Variants in LTBP1 observed in about 807,000 individuals in gnomAD.
The protein encoded by LTBP1 is latent-transforming growth factor beta-binding protein 1.
Under a neutral mutation model 207.6 loss-of-function variants are expected in LTBP1, and 129 were observed. The observed-to-expected ratio is 0.62, with a 90% CI of 0.54 to 0.72. The LOEUF is 0.72. Among genes scored for constraint, LTBP1 ranks in the 30% least tolerant of loss-of-function variants. The pLI, the probability that LTBP1 is intolerant of heterozygous loss-of-function variation, is 0.00. For missense variants in LTBP1, 2,281 were observed against 2,217.2 expected (o/e 1.03, Z -0.58); for synonymous variants, 963 against 833.7 (o/e 1.16, Z -2.67).
At chr2:33,216,406 G>C (rs2090707986) in intron 7 of LTBP1, among the ~76,000 whole-genome samples, 2 of 152,266 alleles carry the variant, frequency 1.3e-5, no homozygotes, top group African/African-American at 4.8e-5. Context: ...AGAAAATAAA[G>C]AGCCCTTTGG....
At chr2:33,306,551 T>C (rs1008270985) in intron 22 of LTBP1, among the ~76,000 whole-genome samples, 1 of 150,790 alleles carries the variant, frequency 6.6e-6, no homozygotes, top group Non-Finnish European at 1.5e-5. Flanking sequence ...GCCTGGGTGA[T>C]AGAGCAAAAC....
At chr2:32,977,483 C>T (rs978101657) in intron 2 of LTBP1, among the ~76,000 whole-genome samples, 3 of 152,180 alleles carry the variant, frequency 2.0e-5, no homozygotes, top group Admixed American at 2.0e-4. Context: ...TGCTTCCAGG[C>T]ACCCTGACTG....
At chr2:33,088,612 T>C (rs1410847197) in intron 3 of LTBP1, among the ~76,000 whole-genome samples, 1 of 152,188 alleles carries the variant, frequency 6.6e-6, no homozygotes, top group Non-Finnish European at 1.5e-5. Flanking sequence ...GGTAAGGTCT[T>C]AGTCCATCTT....
At chr2:33,070,543 G>A (rs2077736903) in intron 3 of LTBP1, among the ~76,000 whole-genome samples, 1 of 152,230 alleles carries the variant, frequency 6.6e-6, no homozygotes, top group Non-Finnish European at 1.5e-5. Flanking sequence ...ACTGTTCGGT[G>A]ATTTTGTGCC....
intron 7 of LTBP1, among the ~76,000 whole-genome samples, chr2:33,215,766 G>C (rs2090642832): frequency 6.7e-6 from 1 of 149,104 alleles, no homozygotes; most frequent in African/African-American, 2.5e-5. Context: ...CGCCAGGCTG[G>C]AGTGCAGTGG....
chr2:33,104,845 A>G (rs975813706), intron 3 of LTBP1, among the ~76,000 whole-genome samples: 11 of 152,276 alleles, frequency 7.2e-5, no homozygotes, highest in African/African-American at 1.9e-4. Context: ...TCTCGAGAAT[A>G]GAGTGGCCCT....
Position 33,320,600 on chromosome 2 carries a change from G to A in LTBP1, c.3730+5331G>A, listed in dbSNP as rs553308084. On this transcript the variant is annotated intron_variant, in intron 24 of 33. Transcript: ENST00000404816. ...ATGTTCAAACTGGTCTTCTACTGGC[G>A]AAGTGATAAAAGCCCATCAATAAAT... is the stretch of plus-strand genomic sequence containing the variant. Among the ~76,000 whole-genome samples the A allele has an allele frequency of 8.5e-5, 13 of 152,244 alleles. No homozygotes were observed. The South Asian group carries it at 1.0e-3, about 12-fold the overall frequency.
At chr2:33,183,089 G>A (rs6748806) in intron 5 of LTBP1, among the ~76,000 whole-genome samples, 78,675 of 151,698 alleles carry the variant, frequency 0.52, 20,622 homozygotes, top group African/African-American at 0.53. Context: ...TTTGTGTACT[G>A]TCGTACTCCT....
Position 33,147,019 on chromosome 2 carries a change from C to T in LTBP1, c.1201+12059C>T, listed in dbSNP as rs59291317. Among the ~76,000 whole-genome samples the T allele has an allele frequency of 7.9e-3, 1,202 of 152,270 alleles. 16 individuals are homozygous for T. Among genetic ancestry groups the T allele is most frequent in the African/African-American group, 0.027 (1,141 of 41,548 alleles). On this transcript the variant is annotated intron_variant, in intron 5 of 33. Transcript: ENST00000404816. ...CCCCTGGAAGGAGAAGTGGATTCACCTGTGTAAAAATGTTTACAGGGTAGG... is the reference window on the plus strand; with the variant it reads ...CCCCTGGAAGGAGAAGTGGATTCACTTGTGTAAAAATGTTTACAGGGTAGG...
chr2:33,233,070 C>T (rs543681194), intron 9 of LTBP1, among the ~76,000 whole-genome samples: 44 of 152,202 alleles, frequency 2.9e-4, no homozygotes, highest in African/African-American at 8.4e-4. Context: ...TGTAATGTCA[C>T]TCTGAAAACT....
At chr2:33,036,584 A>G (rs184859502) in intron 3 of LTBP1, among the ~76,000 whole-genome samples, 3 of 152,106 alleles carry the variant, frequency 2.0e-5, no homozygotes, top group African/African-American at 7.2e-5. Context: ...TAGCCTCCCA[A>G]GTAGCTGGGA....
rs976985649 is a variant in LTBP1, at chr2:33,338,208, C to T, written c.3731-4630C>T. On this transcript the variant is annotated intron_variant, in intron 24 of 33. Coordinates refer to ENST00000404816, the MANE Select transcript of LTBP1 (RefSeq NM_206943.4). ...TTATTTTTTCCTATTCATTCAAATC[C>T]AAAATATTGCTCATCTAAACTTTCT... 7.1e-4 allele frequency among the ~76,000 whole-genome samples: 108 copies of T among 152,188 alleles called. 2 individuals are homozygous for T. Among genetic ancestry groups the T allele is most frequent in the African/African-American group, 2.6e-3 (106 of 41,530 alleles).
At chr2:32,966,164 A>G (rs899148768) in intron 2 of LTBP1, among the ~76,000 whole-genome samples, 1 of 152,072 alleles carries the variant, frequency 6.6e-6, no homozygotes, top group Admixed American at 6.6e-5. Flanking sequence ...TCTTTTGCCC[A>G]TTTTTTAATC....
chr2:33,163,703 A>T (rs1216811777), intron 5 of LTBP1, among the ~76,000 whole-genome samples: 1 of 152,240 alleles, frequency 6.6e-6, no homozygotes, highest in Non-Finnish European at 1.5e-5. Flanking sequence ...ATTTGTATAA[A>T]TAAAAGAAGC....
chr2:33,385,874 T>A (rs866537654), intron 31 of LTBP1, among the ~76,000 whole-genome samples: 1 of 152,192 alleles, frequency 6.6e-6, no homozygotes, highest in Non-Finnish European at 1.5e-5. Context: ...AAAGGATGTT[T>A]TGATCACTGA....
intron 2 of LTBP1, among the ~76,000 whole-genome samples, chr2:32,992,666 C>G (rs1469342076): frequency 6.6e-6 from 1 of 152,124 alleles, no homozygotes; most frequent in Non-Finnish European, 1.5e-5. Context: ...AGATTTGTGT[C>G]CATTCTAAGG....
intron 20 of LTBP1, among the ~76,000 whole-genome samples, chr2:33,299,594 T>G (rs925301596): frequency 6.6e-6 from 1 of 152,206 alleles, no homozygotes; most frequent in African/African-American, 2.4e-5. Context: ...TCATAAACTC[T>G]TATAAGTTGG....
chr2:33,024,904 G>A (rs1250523706), intron 3 of LTBP1, among the ~76,000 whole-genome samples: 2 of 152,220 alleles, frequency 1.3e-5, no homozygotes, highest in Non-Finnish European at 2.9e-5. Flanking sequence ...CAGCAGGGGT[G>A]GCAGTCATCT....
intron 26 of LTBP1, among the ~76,000 whole-genome samples, chr2:33,355,737 A>C (rs1454282338): frequency 6.6e-6 from 1 of 151,658 alleles, no homozygotes; most frequent in Non-Finnish European, 1.5e-5. Flanking sequence ...CATTTTCTCC[A>C]ATCTCTTGTA....
Sources: gnomAD v4.1 joint callset for allele counts (sites outside exome capture counted in the v4.1 genomes callset) on GRCh38, gnomAD v4.1.1 for gene constraint, MANE v1.5 for transcripts, NCBI Gene and HGNC (gene_info 2026-07-23, HGNC 2026-07-21) for gene names.